Variants in ACOX3 observed in about 807,000 individuals in gnomAD.
ACOX3 encodes the protein acyl-CoA oxidase 3, pristanoyl.
A neutral mutation model predicts 81.5 loss-of-function variants in ACOX3; 73 were observed. The ratio of observed to expected loss-of-function variants is 0.90; its 90% CI spans 0.74 to 1.09. The LOEUF (loss-of-function observed/expected upper bound fraction) is 1.09. Ranked by LOEUF, ACOX3 falls within the 50% of genes least tolerant of loss-of-function variation. ACOX3 has a pLI of 0.00. For synonymous variants in ACOX3, 387 were observed against 375.1 expected (o/e 1.03, Z -0.37); for missense variants, 947 against 928.0 (o/e 1.02, Z -0.27).
chr4:8,362,918 C>T (rs1041589150), downstream of ACOX3, among the ~76,000 whole-genome samples: 4 of 152,186 alleles, frequency 2.6e-5, no homozygotes, highest in Non-Finnish European at 5.9e-5. Flanking sequence ...TTTATACAAA[C>T]AATCAGGCCA....
At chr4:8,355,536 G>A in the ACOX3 span, 1 of 152,190 alleles carries the variant, frequency 6.6e-6, no homozygotes, top group East Asian at 1.9e-4. Flanking sequence ...ATCACACCTC[G>A]AAATACATTC....
intron 11 of ACOX3, among the ~76,000 whole-genome samples, chr4:8,390,105 C>CAAAAAAAAAA (rs752872641): frequency 1.5e-5 from 2 of 129,738 alleles, no homozygotes; most frequent in African/African-American, 3.3e-5. Flanking sequence ...CCTGTCTCAA[C>CAAAAAAAAAA]AACAACAACA....
At chr4:8,361,961 G>C (rs778384194), downstream of ACOX3, among the ~76,000 whole-genome samples, 16 of 152,196 alleles carry the variant, frequency 1.1e-4, no homozygotes, top group Non-Finnish European at 1.9e-4. Flanking sequence ...CTTACTGTAT[G>C]TTATTAATAA....
In ACOX3 at chr4:8,414,977, C is replaced by T. The variant is rs760249569; in HGVS notation, c.379-49G>A. On this transcript the variant is annotated intron_variant, in intron 3 of 17. Transcript: ENST00000356406. This position sits in a 1 kb window ranked among gnomAD's most constrained non-coding sequence, Gnocchi z 6.1. ...CAACAGGGGGCAGGTAAGAAGAGTA[C>T]TGCTCTTCCGGAACATCACAACAGA... 1.3e-6 allele frequency: 2 copies of T among 1,534,308 alleles called. No individual in the cohort carries two copies. The highest frequency in any genetic ancestry group is 3.3e-5 in the Admixed American group (2 of 59,902).
At chr4:8,373,970 A>T in intron 15 of ACOX3, 3 of 294,820 alleles carry the variant, frequency 1.0e-5, no homozygotes, top group Non-Finnish European at 1.3e-5. Flanking sequence ...AAAGTGAGGA[A>T]GGGGCTCCTG....
At chr4:8,428,265 G>A (rs531930719) in intron 1 of ACOX3, 139 of 130,804 alleles carry the variant, frequency 1.1e-3, no homozygotes, top group Admixed American at 9.5e-3. Context: ...CCCCGCTCCC[G>A]CCCCGTCGCG....
At chr4:8,378,092 G>A (rs572640272) in intron 14 of ACOX3, among the ~76,000 whole-genome samples, 104 of 152,342 alleles carry the variant, frequency 6.8e-4, no homozygotes, top group Middle Eastern at 3.4e-3. Flanking sequence ...TCAGCTGTCC[G>A]TAAACCTTCA....
chr4:8,415,026 A>G (rs1317186964), intron 3 of ACOX3, 98 bp from the exon 4 acceptor site: 1 of 1,118,912 alleles, frequency 8.9e-7, no homozygotes, highest in Non-Finnish European at 1.4e-6. Context: ...CACCATGCCC[A>G]CGCTGGTTCC....
rs1722283230 is a variant in ACOX3, at chr4:8,415,922, A to G, written c.222T>C (p.Tyr74=). The change falls in exon 3 of 18, where the codon TAT becomes TAC. Residue 74 remains tyrosine, a synonymous_variant. Transcript: ENST00000356406. ...SPGADLSLEK[Y]RELNFLRCKR... Reference sequence around the variant, plus strand: ...TGCATCGAAGGAAGTTCAGCTCGCGATACTTCTCCAAGGACAGATCGGCTC... The same window carrying G: ...TGCATCGAAGGAAGTTCAGCTCGCGGTACTTCTCCAAGGACAGATCGGCTC... The G allele has an allele frequency of 3.1e-6, 5 of 1,614,216 alleles. No individual in the cohort carries two copies. The highest frequency in any genetic ancestry group is 4.2e-6 in the Non-Finnish European group (5 of 1,180,038).
rs368854229 is a variant in ACOX3 at position 8,406,972 on chromosome 4, G to A, written c.688-929C>T. Among the ~76,000 whole-genome samples, 59 of 152,210 alleles carry A rather than the reference G, an allele frequency of 3.9e-4. No individual in the cohort carries two copies. In the East Asian group the frequency reaches 7.2e-3, roughly 18 times the overall value. On this transcript the variant is annotated intron_variant, in intron 6 of 17. Coordinates refer to ENST00000356406, the MANE Select transcript of ACOX3 (RefSeq NM_003501.3). This position sits in a 1 kb window ranked among gnomAD's most constrained non-coding sequence, Gnocchi z 5.6. ...CTTCTCTAAACTCCCCCAGGGAAAG[G>A]GAGACTCCCTTTCCCAGTCTGCTAA...
At chr4:8,402,680 A>G (rs7695149) in intron 7 of ACOX3, among the ~76,000 whole-genome samples, 3,089 of 152,278 alleles carry the variant, frequency 0.02, 110 homozygotes, top group African/African-American at 0.07. Context: ...CAACTCAAAT[A>G]CAAGCCAGAT....
intron 6 of ACOX3, among the ~76,000 whole-genome samples, chr4:8,409,445 G>T (rs570018219): frequency 6.6e-6 from 1 of 151,250 alleles, no homozygotes; most frequent in Admixed American, 6.6e-5. Context: ...AGGGGCTGTG[G>T]GATATACCAT....
At chr4:8,374,946 G>A (rs1408305900) in intron 15 of ACOX3, 32 bp downstream of exon 15, 2 of 1,474,094 alleles carry the variant, frequency 1.4e-6, no homozygotes, top group Non-Finnish European at 1.8e-6. Context: ...TGACTCTGGG[G>A]AGGACAGCAA....
chr4:8,370,412 G>A lies in ACOX3; in HGVS notation c.1983+496C>T, dbSNP rs1560164087. 6.6e-6 allele frequency among the ~76,000 whole-genome samples: 1 copy of A among 152,072 alleles called. No individual in the cohort carries two copies. Among genetic ancestry groups the A allele is most frequent in the Non-Finnish European group, 1.5e-5 (1 of 67,994 alleles). ...GAACATGGGGGGCAGGAGGAGAGCT[G>A]AGGAGCCACAGGGAGGCGGTTGGGG... On this transcript the variant is annotated intron_variant, in intron 17 of 17. Transcript: ENST00000356406. This position sits in a 1 kb window ranked among gnomAD's most constrained non-coding sequence, Gnocchi z 6.3.
chr4:8,415,181 C>G (rs1372554808), intron 3 of ACOX3, among the ~76,000 whole-genome samples: 1 of 152,152 alleles, frequency 6.6e-6, no homozygotes, highest in African/African-American at 2.4e-5. Flanking sequence ...ATCTCTGTGC[C>G]GAGCACCTTG....
In ACOX3 at chr4:8,437,889, T is replaced by C. The variant is rs1579015672; in HGVS notation, c.-15+2759A>G. 6.6e-6 allele frequency among the ~76,000 whole-genome samples: 1 copy of C among 152,246 alleles called. No individual in the cohort carries two copies. The highest frequency in any genetic ancestry group is 1.5e-5 in the Non-Finnish European group (1 of 68,040). On this transcript the variant is annotated intron_variant, in intron 1 of 17. Coordinates refer to ENST00000356406, the MANE Select transcript of ACOX3 (RefSeq NM_003501.3). The surrounding 1 kb of genome is among the most constrained non-coding windows in gnomAD (Gnocchi z 5.2). ...CTAGGGCAGACTAGGCACCTTCTTA[T>C]TAGGCTCCCAGGAGCCCATTGTCAC... is the stretch of plus-strand genomic sequence containing the variant.
chr4:8,419,633 G>A lies in ACOX3; in HGVS notation c.-14-3098C>T, dbSNP rs182106454. 1.4e-4 allele frequency among the ~76,000 whole-genome samples: 22 copies of A among 152,146 alleles called. No individual in the cohort carries two copies. The highest frequency in any genetic ancestry group is 1.1e-3 in the Admixed American group (17 of 15,282). ...AGCAATTCCACTCTGAGGTATGTACGCAAGAGAACCGAAAACATCACGTCC... is the reference window on the plus strand; with the variant it reads ...AGCAATTCCACTCTGAGGTATGTACACAAGAGAACCGAAAACATCACGTCC... On this transcript the variant is annotated intron_variant, in intron 1 of 17. Coordinates refer to ENST00000356406, the MANE Select transcript of ACOX3 (RefSeq NM_003501.3). This position sits in a 1 kb window ranked among gnomAD's most constrained non-coding sequence, Gnocchi z 4.2.
chr4:8,374,894 G>A (rs976736265), intron 15 of ACOX3, 84 bp downstream of exon 15: 6 of 1,386,704 alleles, frequency 4.3e-6, no homozygotes, highest in Middle Eastern at 1.9e-4. Flanking sequence ...GAAGGAGGAC[G>A]ATGGTGCAGG....
chr4:8,361,286 C>T (rs1005820855), downstream of ACOX3, among the ~76,000 whole-genome samples: 2 of 151,358 alleles, frequency 1.3e-5, no homozygotes, highest in African/African-American at 2.4e-5. Context: ...ATTAGCCAGG[C>T]GTGGTTGTGG....
Sources: gnomAD v4.1 joint callset for allele counts (sites outside exome capture counted in the v4.1 genomes callset) on GRCh38, gnomAD v4.1.1 for gene constraint, Gnocchi (gnomAD v3.1) non-coding constraint, MANE v1.5 for transcripts, NCBI Gene and HGNC (gene_info 2026-07-23, HGNC 2026-07-21) for gene names.